Variants in TBC1D4 observed in about 807,000 individuals in gnomAD.
TBC1D4 encodes TBC1 domain family member 4.
A neutral mutation model predicts 142.5 loss-of-function variants in TBC1D4; 121 were observed. The observed-to-expected ratio is 0.85, with a 90% CI of 0.73 to 0.99. TBC1D4 has a LOEUF of 0.99. TBC1D4 is among the 50% of genes least tolerant of loss of function. The probability of loss-of-function intolerance (pLI) is 0.00; values close to 1 mark genes in which losing one functional copy is unlikely to be tolerated. For missense variants in TBC1D4, 1,475 were observed against 1,606.6 expected (o/e 0.92, Z 1.40); for synonymous variants, 630 against 628.2 (o/e 1.00, Z -0.04).
intron 1 of TBC1D4, among the ~76,000 whole-genome samples, chr13:75,456,294 A>G (rs1211505225): frequency 6.6e-6 from 1 of 152,232 alleles, no homozygotes; most frequent in Admixed American, 6.5e-5. Context: ...CCTAGAAAGG[A>G]TACAAAAGCA....
chr13:75,294,723 T>C, intron 18 of TBC1D4, 131 bp downstream of exon 18: 1 of 942,888 alleles, frequency 1.1e-6, no homozygotes, highest in East Asian at 2.7e-5. Flanking sequence ...GGCACATTTA[T>C]TAAATTCCAT....
rs1305494368 is a variant in TBC1D4 at position 75,294,879 on chromosome 13, T to G, written c.3291A>C (p.Ser1097=). Reference sequence around the variant, plus strand: ...CAAAAACTCTGGCTACAAATCCTAATGAAAACTGAGAGGCAAACAATGTGA... The same window carrying G: ...CAAAAACTCTGGCTACAAATCCTAAGGAAAACTGAGAGGCAAACAATGTGA... The part of the protein sequence containing the change: ...WFLTLFASQF[S]LGFVARVFDI... The change falls in exon 18 of 21, where the codon TCA becomes TCC. Residue 1097 remains serine, a synonymous_variant. Transcript: ENST00000377636. 6.2e-7 allele frequency: 1 copy of G among 1,613,878 alleles called. No individual in the cohort carries two copies. The highest frequency in any genetic ancestry group is 8.5e-7 in the Non-Finnish European group (1 of 1,179,854).
intron 1 of TBC1D4, among the ~76,000 whole-genome samples, chr13:75,384,966 A>G (rs1382291475): frequency 6.6e-6 from 1 of 152,252 alleles, no homozygotes; most frequent in African/African-American, 2.4e-5. Context: ...ACATAAAAAC[A>G]TGACTAATAA....
At chr13:75,309,834 TAC>T (rs1187228595) in intron 14 of TBC1D4, 106 bp downstream of exon 14, 17 of 1,077,292 alleles carry the variant, frequency 1.6e-5, no homozygotes, top group Non-Finnish European at 1.3e-5. Context: ...AAAGTGTGCA[TAC>T]AGTCCAAAAC....
In TBC1D4 at chr13:75,318,109, T is replaced by C. The variant is rs142159883; in HGVS notation, c.2222+1905A>G. On this transcript the variant is annotated intron_variant, in intron 12 of 20. Coordinates refer to ENST00000377636, the MANE Select transcript of TBC1D4 (RefSeq NM_014832.5). ...TACTTGCCTGCTTTAAAAGAATTCA[T>C]TGACTATTGTACAGAATGGAGATGC... 2.7e-4 allele frequency among the ~76,000 whole-genome samples: 41 copies of C among 152,354 alleles called. No homozygotes were observed. The East Asian group carries it at 7.7e-3, about 29-fold the overall frequency.
At chr13:75,329,451 C>T (rs1327316453) in intron 8 of TBC1D4, among the ~76,000 whole-genome samples, 2 of 151,024 alleles carry the variant, frequency 1.3e-5, no homozygotes, top group Non-Finnish European at 3.0e-5. Context: ...TCTCTCTCTC[C>T]CCCGCTTGTT....
rs759235531 is a variant in TBC1D4 at position 75,286,779 on chromosome 13, C to T, written c.*13G>A. ...TCTAAGGAGCACTTTCTGCTGAGGC[C>T]GTGCCTCTTCAATTATGGCTTATTT... On this transcript the variant is annotated 3_prime_UTR_variant, in exon 21 of 21. Transcript: ENST00000377636. 1.7e-5 allele frequency: 27 copies of T among 1,611,518 alleles called. No homozygotes were observed. The highest frequency in any genetic ancestry group is 2.0e-5 in the Non-Finnish European group (24 of 1,178,532).
At chr13:75,341,449 A>G in intron 6 of TBC1D4, 47 bp downstream of exon 6, 3 of 1,567,956 alleles carry the variant, frequency 1.9e-6, no homozygotes, top group East Asian at 2.2e-5. Flanking sequence ...ACAGGATCCA[A>G]TTCTCATTCC....
intron 1 of TBC1D4, among the ~76,000 whole-genome samples, chr13:75,378,473 A>G (rs1204344295): frequency 6.6e-6 from 1 of 152,146 alleles, no homozygotes; most frequent in Non-Finnish European, 1.5e-5. Context: ...CTCGGTAGTC[A>G]TCAGTGATAC....
At chr13:75,408,389 A>G (rs553138132) in intron 1 of TBC1D4, among the ~76,000 whole-genome samples, 3 of 152,268 alleles carry the variant, frequency 2.0e-5, no homozygotes, top group East Asian at 3.9e-4. Flanking sequence ...TTTTTTGGCT[A>G]TTACGAATAA....
chr13:75,351,813 G>A (rs563640925), intron 4 of TBC1D4, among the ~76,000 whole-genome samples: 21 of 151,888 alleles, frequency 1.4e-4, no homozygotes, highest in South Asian at 8.3e-4. Context: ...CTAATCTACC[G>A]TTGTTGGACA....
chr13:75,454,389 A>G (rs966095578), intron 1 of TBC1D4, among the ~76,000 whole-genome samples: 21 of 152,174 alleles, frequency 1.4e-4, no homozygotes, highest in African/African-American at 5.1e-4. Context: ...TACTCCTGCT[A>G]TTTAATAGGG....
chr13:75,439,605 T>G (rs1886949385), intron 1 of TBC1D4, among the ~76,000 whole-genome samples: 1 of 152,200 alleles, frequency 6.6e-6, no homozygotes, highest in African/African-American at 2.4e-5. Context: ...ATGACTAGTT[T>G]TGCTGTACCC....
At chr13:75,320,867 C>CAAAAAAAAA (rs148657060) in intron 11 of TBC1D4, among the ~76,000 whole-genome samples, 573 of 82,184 alleles carry the variant, frequency 7.0e-3, no homozygotes, top group East Asian at 9.2e-3. Flanking sequence ...ACTAAAAATA[C>CAAAAAAAAA]AAAAAAAAAA....
At chr13:75,302,703 T>G (rs1051945200) in intron 15 of TBC1D4, 14 of 429,266 alleles carry the variant, frequency 3.3e-5, no homozygotes, top group African/African-American at 2.4e-4. Context: ...ACTAAGCACA[T>G]GCACTCAGAA....
chr13:75,293,096 A>C (rs1875513336), intron 18 of TBC1D4, among the ~76,000 whole-genome samples: 1 of 152,242 alleles, frequency 6.6e-6, no homozygotes, highest in South Asian at 2.1e-4. Flanking sequence ...CAGAGGTTGC[A>C]GTGAATTGAT....
chr13:75,412,210 G>C, intron 1 of TBC1D4, among the ~76,000 whole-genome samples: 1 of 152,170 alleles, frequency 6.6e-6, no homozygotes, highest in South Asian at 2.1e-4. Flanking sequence ...TGATAATCCA[G>C]TTTAAGTTAG....
At chr13:75,345,936 C>T (rs867851394) in intron 5 of TBC1D4, among the ~76,000 whole-genome samples, 1 of 152,126 alleles carries the variant, frequency 6.6e-6, no homozygotes, top group Non-Finnish European at 1.5e-5. Context: ...TTAAAACACA[C>T]CTAGAGTCTG....
chr13:75,321,447 A>T (rs2137985853), intron 11 of TBC1D4, among the ~76,000 whole-genome samples: 1 of 152,184 alleles, frequency 6.6e-6, no homozygotes, highest in Admixed American at 6.5e-5. Context: ...ATATGTATAT[A>T]TATATGTAAA....
Sources: gnomAD v4.1 joint callset for allele counts (sites outside exome capture counted in the v4.1 genomes callset) on GRCh38, gnomAD v4.1.1 for gene constraint, MANE v1.5 for transcripts, NCBI Gene and HGNC (gene_info 2026-07-23, HGNC 2026-07-21) for gene names.